The following MPHOSPH9 variants were observed in gnomAD, a reference collection of about 807,000 sequenced individuals.
The protein encoded by MPHOSPH9 is M-phase phosphoprotein 9.
A neutral mutation model predicts 145.5 loss-of-function variants in MPHOSPH9; 88 were observed. That is an observed-to-expected ratio of 0.60 (90% CI 0.51 to 0.72). MPHOSPH9 has a LOEUF of 0.72. MPHOSPH9 is among the 30% of genes least tolerant of loss of function. The pLI, the probability that MPHOSPH9 is intolerant of heterozygous loss-of-function variation, is 0.00. For missense variants in MPHOSPH9, 1,238 were observed against 1,386.6 expected (o/e 0.89, Z 1.70); for synonymous variants, 435 against 486.2 (o/e 0.89, Z 1.39).
intron 1 of MPHOSPH9, among the ~76,000 whole-genome samples, chr12:123,241,584 C>A (rs2047937856): frequency 6.6e-6 from 1 of 152,180 alleles, no homozygotes; most frequent in Non-Finnish European, 1.5e-5. Flanking sequence ...AGGTGATCCA[C>A]CTACTTCAGC....
At chr12:123,215,931 G>A (rs1024675211) in intron 6 of MPHOSPH9, among the ~76,000 whole-genome samples, 2 of 152,110 alleles carry the variant, frequency 1.3e-5, no homozygotes, top group Non-Finnish European at 2.9e-5. Context: ...GTTTCAATTT[G>A]TCTCACTACT....
chr12:123,236,179 A>C (rs577094275), upstream of MPHOSPH9, among the ~76,000 whole-genome samples: 28 of 152,322 alleles, frequency 1.8e-4, no homozygotes, highest in South Asian at 5.8e-3. Context: ...AAGGTGTAGA[A>C]AGGATAATTT....
At chr12:123,182,437 C>T (rs1347386553) in intron 13 of MPHOSPH9, among the ~76,000 whole-genome samples, 1 of 150,152 alleles carries the variant, frequency 6.7e-6, no homozygotes, top group Non-Finnish European at 1.5e-5. Flanking sequence ...TATTAGATGG[C>T]GTCTCATCAT....
Position 123,156,250 on chromosome 12 carries a change from T to G in MPHOSPH9, c.*557A>C, listed in dbSNP as rs897494644. 6.6e-6 allele frequency: 1 copy of G among 152,212 alleles called. No homozygotes were observed. The highest frequency in any genetic ancestry group is 1.5e-5 in the Non-Finnish European group (1 of 68,044). 9.4% of individuals were successfully genotyped at this position (152,212 alleles called of 1,614,324 possible). On this transcript the variant is annotated 3_prime_UTR_variant, in exon 24 of 24. Coordinates refer to ENST00000606320, the MANE Select transcript of MPHOSPH9 (RefSeq NM_022782.4). Reference sequence around the variant, plus strand: ...GTTATATTCATGTAGTTTTCAAAGCTTTCCAAGAGTCCATTATTACTATTC... The same window carrying G: ...GTTATATTCATGTAGTTTTCAAAGCGTTCCAAGAGTCCATTATTACTATTC...
chr12:123,202,075 T>A, intron 11 of MPHOSPH9, 89 bp downstream of exon 11: 1 of 1,307,032 alleles, frequency 7.7e-7, no homozygotes, highest in Non-Finnish European at 1.0e-6. Flanking sequence ...AGATCCAAAG[T>A]ATTTTCAAAG....
rs1476273843 is a variant in MPHOSPH9 at position 123,154,296 on chromosome 12, G to A, written c.*2511C>T. 6.6e-6 allele frequency: 1 copy of A among 151,834 alleles called. No homozygotes were observed. Among genetic ancestry groups the A allele is most frequent in the African/African-American group, 2.4e-5 (1 of 41,254 alleles). The allele number at this position is 151,834 out of a possible 1,614,324, so 9.4% of individuals were successfully genotyped here. A position where few individuals can be genotyped will look rare whatever the true frequency, so the allele number is the denominator to read the frequency against. ...ACAACAAAAATAGTTTATACCCGGG[G>A]ATAATAGCTGCTATTTAGAATTGCC... is the stretch of plus-strand genomic sequence containing the variant. On this transcript the variant is annotated 3_prime_UTR_variant, in exon 24 of 24. Transcript: ENST00000606320.
Position 123,164,081 on chromosome 12 carries a change from C to G in MPHOSPH9, c.2777G>C (p.Arg926Pro). 6.2e-7 allele frequency: 1 copy of G among 1,613,642 alleles called. No individual in the cohort carries two copies. Among genetic ancestry groups the G allele is most frequent in the Non-Finnish European group, 8.5e-7 (1 of 1,179,876 alleles). Reference protein sequence around the residue: ...EKEDTSNINPRQTETSVNASR... With the variant: ...EKEDTSNINPPQTETSVNASR... Reference sequence around the variant, plus strand: ...TGCATTAACTGAAGTTTCAGTTTGCCGAGGATTTACTACAGCAGACCAAAA... The same window carrying G: ...TGCATTAACTGAAGTTTCAGTTTGCGGAGGATTTACTACAGCAGACCAAAA... The change falls in exon 19 of 24, where the codon CGG becomes CCG. Residue 926 changes from arginine (R) to proline (P), a missense_variant. Arg to Pro is a moderately radical substitution (Grantham distance 103). Coordinates refer to ENST00000606320, the MANE Select transcript of MPHOSPH9 (RefSeq NM_022782.4).
downstream of MPHOSPH9, chr12:123,153,197 T>C (rs1169561148): frequency 3.3e-5 from 5 of 152,188 alleles, no homozygotes; most frequent in Admixed American, 3.3e-4. Flanking sequence ...CAATAATTTT[T>C]AGAAAAACAA....
chr12:123,173,437 A>C (rs928057388), intron 16 of MPHOSPH9, among the ~76,000 whole-genome samples: 2 of 152,100 alleles, frequency 1.3e-5, no homozygotes, highest in African/African-American at 4.8e-5. Flanking sequence ...TAGGACTCTA[A>C]TCTGATTATG....
intron 8 of MPHOSPH9, among the ~76,000 whole-genome samples, chr12:123,206,894 C>T (rs2046459713): frequency 6.7e-6 from 1 of 149,760 alleles, no homozygotes; most frequent in Non-Finnish European, 1.5e-5. Context: ...AGCCTGGCAA[C>T]AGAGCAAGAC....
At chr12:123,218,628 C>T in intron 5 of MPHOSPH9, 129 bp from the exon 6 acceptor site, 1 of 794,074 alleles carries the variant, frequency 1.3e-6, no homozygotes, top group Non-Finnish European at 2.0e-6. Flanking sequence ...TAGGTTCAAG[C>T]AATTCTCGTG....
chr12:123,221,091 T>C (rs746385688), intron 5 of MPHOSPH9, among the ~76,000 whole-genome samples: 11 of 152,200 alleles, frequency 7.2e-5, no homozygotes, highest in African/African-American at 2.2e-4. Flanking sequence ...TACATGAACA[T>C]GTATGACAAA....
At chr12:123,242,476 C>T (rs567623729) in intron 1 of MPHOSPH9, among the ~76,000 whole-genome samples, 127 of 152,212 alleles carry the variant, frequency 8.3e-4, no homozygotes, top group Middle Eastern at 3.4e-3. Flanking sequence ...AAATCCAATT[C>T]GTATTTTTTT....
At chr12:123,200,291 G>A (rs1414105797) in intron 11 of MPHOSPH9, among the ~76,000 whole-genome samples, 1 of 150,428 alleles carries the variant, frequency 6.6e-6, no homozygotes, top group Non-Finnish European at 1.5e-5. Flanking sequence ...ACTGTCCTCT[G>A]TAACACAGCT....
At chr12:123,232,919 A>G (rs1023571069) in intron 1 of MPHOSPH9, 156 bp downstream of exon 1, 7 of 152,228 alleles carry the variant, frequency 4.6e-5, no homozygotes, top group African/African-American at 1.7e-4. Context: ...GAGCTCCCAC[A>G]CGCCGAAGGG....
rs973405213 is a variant in MPHOSPH9 at position 123,159,108 on chromosome 12, G to T, written c.3450+1673C>A. ...CCGTCTCCAAACTAGATAAATAAAA[G>T]ATTAGCCAAGACAACCCCACACCTT... is the stretch of plus-strand genomic sequence containing the variant. On this transcript the variant is annotated intron_variant, in intron 23 of 23. Coordinates refer to ENST00000606320, the MANE Select transcript of MPHOSPH9 (RefSeq NM_022782.4). This position sits in a 1 kb window ranked among gnomAD's most constrained non-coding sequence, Gnocchi z 4.3. Among the ~76,000 whole-genome samples, 2 of 152,142 alleles carry T rather than the reference G, an allele frequency of 1.3e-5. No individual in the cohort carries two copies. The highest frequency in any genetic ancestry group is 1.3e-4 in the Admixed American group (2 of 15,280).
intron 18 of MPHOSPH9, 72 bp downstream of exon 18, chr12:123,165,224 TATTTTA>T (rs2044266434): frequency 2.2e-6 from 3 of 1,354,650 alleles, no homozygotes; most frequent in Non-Finnish European, 3.0e-6. Context: ...ATTACCTAAA[TATTTTA>T]ATTTTAACGA....
intron 11 of MPHOSPH9, 85 bp from the exon 12 acceptor site, chr12:123,198,419 TATAAC>T (rs778026424): frequency 9.2e-6 from 10 of 1,089,100 alleles, no homozygotes; most frequent in Non-Finnish European, 1.3e-5. Context: ...TTCTCTAATA[TATAAC>T]ATAAGACAAA....
chr12:123,215,237 G>A (rs751139340), intron 6 of MPHOSPH9, among the ~76,000 whole-genome samples: 1 of 151,342 alleles, frequency 6.6e-6, no homozygotes, highest in Non-Finnish European at 1.5e-5. Context: ...GCAAGACTCT[G>A]TCTCAAAAAA....
Sources: allele counts gnomAD v4.1 joint callset (sites outside exome capture counted in the v4.1 genomes callset), GRCh38; gene constraint gnomAD v4.1.1; non-coding constraint Gnocchi (gnomAD v3.1); transcripts MANE v1.5; gene names NCBI Gene and HGNC (gene_info 2026-07-23, HGNC 2026-07-21).